Variants in KCNJ16 observed in about 807,000 individuals in gnomAD.
The protein encoded by KCNJ16 is potassium inwardly rectifying channel subfamily J member 16, also known as inward rectifier potassium channel 16.
KCNJ16 carries 15 observed loss-of-function variants against 18.5 expected under a neutral mutation model. The observed-to-expected ratio is 0.81, with a 90% CI of 0.54 to 1.25. KCNJ16 has a LOEUF of 1.25. Among genes scored for constraint, KCNJ16 ranks in the 50% most tolerant of loss-of-function variants. The pLI is 0.00. For missense variants in KCNJ16, 523 were observed against 525.7 expected (o/e 0.99, Z 0.05); for synonymous variants, 174 against 186.5 (o/e 0.93, Z 0.55).
intron 2 of KCNJ16, among the ~76,000 whole-genome samples, chr17:70,126,342 G>C (rs1042904452): frequency 6.6e-6 from 1 of 152,062 alleles, no homozygotes; most frequent in Admixed American, 6.6e-5. Context: ...TAACCTCCTG[G>C]GGAATAAAAC....
Position 70,133,010 on chromosome 17 carries a change from A to G in KCNJ16, c.923A>G (p.His308Arg), listed in dbSNP as rs2074117015. The G allele has an allele frequency of 3.1e-6, 5 of 1,614,170 alleles. No homozygotes were observed. In the East Asian group the frequency reaches 1.1e-4, roughly 36 times the overall value. Reference protein sequence around the residue: ...SYVPREILWGHRFNDVLEVKR... With the variant: ...SYVPREILWGRRFNDVLEVKR... ...GTTCCCCGAGAAATTCTCTGGGGCCATAGGTTTAATGATGTCTTGGAAGTT... is the reference window on the plus strand; with the variant it reads ...GTTCCCCGAGAAATTCTCTGGGGCCGTAGGTTTAATGATGTCTTGGAAGTT... The change falls in exon 4 of 4, where the codon CAT becomes CGT. Residue 308 changes from histidine (H) to arginine (R), a missense_variant. Transcript: ENST00000392671.
Position 70,132,275 on chromosome 17 carries a change from C to T in KCNJ16, c.188C>T (p.Thr63Ile). Reference protein sequence around the residue: ...EWGSYVVDIFTTLVDTKWRHM... With the variant: ...EWGSYVVDIFITLVDTKWRHM... ...GGAAGCTATGTGGTTGACATCTTCA[C>T]CACTCTTGTGGACACCAAGTGGCGC... is the stretch of plus-strand genomic sequence containing the variant. Residue 63 changes from threonine (T) to isoleucine (I), a missense_variant, in exon 4 of 4, where the codon ACC becomes ATC. Transcript: ENST00000392671. 1.2e-6 allele frequency: 2 copies of T among 1,614,200 alleles called. No individual in the cohort carries two copies. The highest frequency in any genetic ancestry group is 1.7e-6 in the Non-Finnish European group (2 of 1,180,026).
At position 70,132,113 on chromosome 17, in the gene KCNJ16, A is replaced by G. The variant is rs372085743; in HGVS notation, c.26A>G (p.His9Arg). 1.6e-5 allele frequency: 26 copies of G among 1,614,254 alleles called. No homozygotes were observed. In the South Asian group the frequency reaches 1.8e-4, roughly 11 times the overall value. Residue 9 changes from histidine (H) to arginine (R), a missense_variant, in exon 4 of 4, where the codon CAT becomes CGT. Coordinates refer to ENST00000392671, the MANE Select transcript of KCNJ16 (RefSeq NM_170741.4). MSYYGSSYHIINADAKYPG... is the reference protein window; with the variant it reads MSYYGSSYRIINADAKYPG... ...ATGAGCTATTACGGCAGCAGCTATC[A>G]TATTATCAATGCGGACGCAAAATAC... is the stretch of plus-strand genomic sequence containing the variant.
chr17:70,133,355 C>A lies in KCNJ16; in HGVS notation c.*11C>A, dbSNP rs1287235277. 1 of 1,597,442 alleles carries A rather than the reference C, an allele frequency of 6.3e-7. No homozygotes were observed. Among genetic ancestry groups the A allele is most frequent in the South Asian group, 1.1e-5 (1 of 89,862 alleles). On this transcript the variant is annotated 3_prime_UTR_variant, in exon 4 of 4. Coordinates refer to ENST00000392671, the MANE Select transcript of KCNJ16 (RefSeq NM_170741.4). Reference sequence around the variant, plus strand: ...GAATCCCAAATGTAGTCCTAAATTGCAATTATGAGGGCTACCACTGAATCA... The same window carrying A: ...GAATCCCAAATGTAGTCCTAAATTGAAATTATGAGGGCTACCACTGAATCA...
At position 70,133,358 on chromosome 17, in the gene KCNJ16, T is replaced by C. The variant is rs1221248256; in HGVS notation, c.*14T>C. 7 of 1,594,648 alleles carry C rather than the reference T, an allele frequency of 4.4e-6. No homozygotes were observed. The highest frequency in any genetic ancestry group is 2.2e-5 in the South Asian group (2 of 89,572). ...TCCCAAATGTAGTCCTAAATTGCAA[T>C]TATGAGGGCTACCACTGAATCATTT... is the stretch of plus-strand genomic sequence containing the variant. On this transcript the variant is annotated 3_prime_UTR_variant, in exon 4 of 4. Transcript: ENST00000392671.
rs138957875 is a variant in KCNJ16 at position 70,079,099 on chromosome 17, G to T, written c.-300+3709G>T. On this transcript the variant is annotated intron_variant, in intron 1 of 3. Transcript: ENST00000392671. Reference sequence around the variant, plus strand: ...AGCAAGAGGGAGAAAAACACAGAGAGATCTTAAGGAATTGGCTCAAGCGAT... The same window carrying T: ...AGCAAGAGGGAGAAAAACACAGAGATATCTTAAGGAATTGGCTCAAGCGAT... 2.0e-3 allele frequency among the ~76,000 whole-genome samples: 300 copies of T among 152,272 alleles called. 2 individuals carry two copies. The highest frequency in any genetic ancestry group is 7.0e-3 in the African/African-American group (291 of 41,566).
chr17:70,132,551 T>C lies in KCNJ16; in HGVS notation c.464T>C (p.Ile155Thr), dbSNP rs534306466. 1.2e-6 allele frequency: 2 copies of C among 1,614,198 alleles called. No homozygotes were observed. Among genetic ancestry groups the C allele is most frequent in the Admixed American group, 1.7e-5 (1 of 60,032 alleles). The change falls in exon 4 of 4, where the codon ATC (isoleucine) becomes ACC (threonine). Residue 155 changes from isoleucine (I) to threonine (T), a missense_variant. Transcript: ENST00000392671. Reference sequence around the variant, plus strand: ...GTGCTCATGGTGATCCTCCAGTCCATCTTAAGTTGCATCATAAATACCTTT... The same window carrying C: ...GTGCTCATGGTGATCCTCCAGTCCACCTTAAGTTGCATCATAAATACCTTT... ...VAVLMVILQS[I>T]LSCIINTFII...
chr17:70,129,644 T>C (rs1272977272), intron 2 of KCNJ16, among the ~76,000 whole-genome samples: 3 of 152,230 alleles, frequency 2.0e-5, no homozygotes, highest in Non-Finnish European at 4.4e-5. Context: ...TTGAAGTTAA[T>C]GATCACAATA....
chr17:70,081,229 G>A (rs1373267241), intron 1 of KCNJ16, among the ~76,000 whole-genome samples: 3 of 152,098 alleles, frequency 2.0e-5, no homozygotes, highest in East Asian at 1.9e-4. Context: ...TGGGTGGTTC[G>A]ATCTCACGCC....
intron 2 of KCNJ16, among the ~76,000 whole-genome samples, chr17:70,116,921 A>G (rs542482518): frequency 7.5e-4 from 114 of 152,324 alleles, no homozygotes; most frequent in African/African-American, 2.0e-3. Context: ...TTAAAACAGA[A>G]CTACTATTCA....
chr17:70,097,442 T>G (rs1225655613), intron 1 of KCNJ16, among the ~76,000 whole-genome samples: 3 of 152,122 alleles, frequency 2.0e-5, no homozygotes, highest in African/African-American at 7.2e-5. Flanking sequence ...TGAGTTTCAG[T>G]AGAAATTAGA....
In KCNJ16 at chr17:70,129,150, C is replaced by A. The variant is rs2073971254; in HGVS notation, c.-190-1729C>A. 1.3e-5 allele frequency among the ~76,000 whole-genome samples: 2 copies of A among 152,218 alleles called. 1 individual carries two copies. The highest frequency in any genetic ancestry group is 4.1e-4 in the South Asian group (2 of 4,832). The stretch of plus-strand genomic sequence containing the variant: ...GCCCAGTGGAAAGTCTTTCAATAGC[C>A]ACCATCAGTTTCTACGGAGCAACAT... On this transcript the variant is annotated intron_variant, in intron 2 of 3. Transcript: ENST00000392671.
At chr17:70,077,738 T>C (rs1346620205) in intron 1 of KCNJ16, among the ~76,000 whole-genome samples, 1 of 151,958 alleles carries the variant, frequency 6.6e-6, no homozygotes, top group African/African-American at 2.4e-5. Context: ...AGCTTTGGCA[T>C]CTCCAAATGG....
chr17:70,118,512 A>G (rs1172724668), intron 2 of KCNJ16, among the ~76,000 whole-genome samples: 1 of 152,198 alleles, frequency 6.6e-6, no homozygotes, highest in Non-Finnish European at 1.5e-5. Flanking sequence ...GCATAATGCC[A>G]GCACCTGCTT....
At chr17:70,093,619 A>C (rs2072224364) in intron 1 of KCNJ16, among the ~76,000 whole-genome samples, 1 of 152,218 alleles carries the variant, frequency 6.6e-6, no homozygotes. Context: ...AGTGATGACA[A>C]GAAAATGAGA....
At chr17:70,103,642 T>G (rs2072776955) in intron 2 of KCNJ16, among the ~76,000 whole-genome samples, 1 of 152,092 alleles carries the variant, frequency 6.6e-6, no homozygotes, top group Non-Finnish European at 1.5e-5. Flanking sequence ...TTCTAACTAC[T>G]CTGACTCTTG....
intron 1 of KCNJ16, among the ~76,000 whole-genome samples, chr17:70,100,345 T>A (rs993928664): frequency 3.9e-5 from 6 of 152,212 alleles, no homozygotes; most frequent in Non-Finnish European, 8.8e-5. Flanking sequence ...AGAAGAATAG[T>A]GGTACAGCTT....
chr17:70,129,630 T>C (rs989751936), intron 2 of KCNJ16, among the ~76,000 whole-genome samples: 2 of 152,246 alleles, frequency 1.3e-5, no homozygotes, highest in African/African-American at 4.8e-5. Flanking sequence ...TGCCTTTGGC[T>C]AAGTTGAAGT....
At chr17:70,103,147 A>C (rs12943110) in intron 2 of KCNJ16, among the ~76,000 whole-genome samples, 1 of 145,000 alleles carries the variant, frequency 6.9e-6, no homozygotes, top group African/African-American at 2.5e-5. Flanking sequence ...ATGTGTATAT[A>C]ATATATATAA....
Sources: allele counts gnomAD v4.1 joint callset (sites outside exome capture counted in the v4.1 genomes callset), GRCh38; gene constraint gnomAD v4.1.1; transcripts MANE v1.5; gene names NCBI Gene and HGNC (gene_info 2026-07-23, HGNC 2026-07-21).